EYS: variants seen among roughly 807,000 people sequenced by gnomAD.
EYS encodes protein eyes shut homolog.
A neutral mutation model predicts 282.1 loss-of-function variants in EYS; 250 were observed. The ratio of observed to expected loss-of-function variants is 0.89; its 90% CI spans 0.80 to 0.98. The LOEUF (loss-of-function observed/expected upper bound fraction) is 0.98. Ranked by LOEUF, EYS falls within the 50% of genes least tolerant of loss-of-function variation. The pLI is 0.00. For missense variants in EYS, 4,016 were observed against 3,709.0 expected (o/e 1.08, Z -2.15); for synonymous variants, 1,355 against 1,282.9 (o/e 1.06, Z -1.20).
chr6:63,836,429 G>T (rs1318328657), intron 36 of EYS, among the ~76,000 whole-genome samples: 1 of 151,850 alleles, frequency 6.6e-6, no homozygotes, highest in African/African-American at 2.4e-5. Flanking sequence ...AAAGTTATTT[G>T]CATCAACACA....
chr6:65,653,054 TGTGGACATGTCCTGAAAAA>T (rs1251331049), intron 1 of EYS, among the ~76,000 whole-genome samples: 3 of 151,900 alleles, frequency 2.0e-5, no homozygotes, highest in Non-Finnish European at 2.9e-5. Flanking sequence ...GCTACAATCA[TGTGGACATGTCCTGAAAAA>T]GTGGGAGCCA....
At chr6:64,726,826 A>G (rs908434899) in intron 22 of EYS, among the ~76,000 whole-genome samples, 1 of 152,228 alleles carries the variant, frequency 6.6e-6, no homozygotes, top group Non-Finnish European at 1.5e-5. Flanking sequence ...TCTATAAGAC[A>G]GGGCTCCATA....
At chr6:64,503,420 ATGC>A (rs1777114575) in intron 26 of EYS, among the ~76,000 whole-genome samples, 1 of 152,192 alleles carries the variant, frequency 6.6e-6, no homozygotes, top group Non-Finnish European at 1.5e-5. Flanking sequence ...AAATGTGATG[ATGC>A]TTTTTGAGAA....
intron 8 of EYS, among the ~76,000 whole-genome samples, chr6:65,379,063 TAAATA>T (rs1765509205): frequency 6.6e-6 from 1 of 150,914 alleles, no homozygotes; most frequent in African/African-American, 2.4e-5. Flanking sequence ...AAAAAATAAA[TAAATA>T]AAATAAAACA....
chr6:63,785,930 C>G (rs987413510), intron 39 of EYS: 1 of 152,058 alleles, frequency 6.6e-6, no homozygotes, highest in Admixed American at 6.5e-5. Flanking sequence ...TGACTGAGAA[C>G]ACTATAAGAA....
At chr6:65,607,869 G>A (rs1357660281) in intron 2 of EYS, among the ~76,000 whole-genome samples, 2 of 151,930 alleles carry the variant, frequency 1.3e-5, no homozygotes, top group African/African-American at 4.8e-5. Flanking sequence ...CATCTTATGT[G>A]TCAATCTCTG....
chr6:64,740,855 A>G (rs1772348311), intron 22 of EYS, among the ~76,000 whole-genome samples: 1 of 151,900 alleles, frequency 6.6e-6, no homozygotes, highest in African/African-American at 2.4e-5. Context: ...CTGGGACTAC[A>G]GGCGCCAGCC....
intron 33 of EYS, among the ~76,000 whole-genome samples, chr6:64,005,721 A>C (rs1270263466): frequency 6.6e-6 from 1 of 152,188 alleles, no homozygotes; most frequent in Admixed American, 6.5e-5. Context: ...TTTATTGAAT[A>C]GGGAGTCCTT....
chr6:64,752,846 A>G (rs1772806521), intron 22 of EYS, among the ~76,000 whole-genome samples: 1 of 152,182 alleles, frequency 6.6e-6, no homozygotes, highest in Non-Finnish European at 1.5e-5. Flanking sequence ...ATCAAAGACT[A>G]CTAGAACAGC....
intron 12 of EYS, among the ~76,000 whole-genome samples, chr6:65,268,740 A>G (rs188118122): frequency 6.4e-4 from 98 of 152,210 alleles, no homozygotes; most frequent in Non-Finnish European, 2.6e-4. Flanking sequence ...TCTGGAAAGA[A>G]AAACTGCTAG....
chr6:65,057,611 T>C lies in EYS; in HGVS notation c.2137+3A>G, dbSNP rs1395722159. 2.6e-6 allele frequency: 4 copies of C among 1,527,172 alleles called. 1 individual carries two copies. In the South Asian group the frequency reaches 4.8e-5, roughly 18 times the overall value. 94.6% of individuals were successfully genotyped at this position (1,527,172 alleles called of 1,614,324 possible). ...CTTTTCCTTATCCCTTGGTGTTCATTACCTTTAAATGGAGGCACACACTGG... is the reference window on the plus strand; with the variant it reads ...CTTTTCCTTATCCCTTGGTGTTCATCACCTTTAAATGGAGGCACACACTGG... On this transcript the variant is annotated splice_donor_region_variant and intron_variant, in intron 13 of 42. Coordinates refer to ENST00000503581, the MANE Select transcript of EYS (RefSeq NM_001142800.2).
intron 33 of EYS, among the ~76,000 whole-genome samples, chr6:64,048,880 G>C (rs1188176532): frequency 6.7e-6 from 1 of 149,938 alleles, no homozygotes; most frequent in East Asian, 2.0e-4. Flanking sequence ...TTCTCTACCA[G>C]GTTCAGTCAT....
chr6:64,408,037 T>C (rs1182034040), intron 28 of EYS, among the ~76,000 whole-genome samples: 1 of 151,630 alleles, frequency 6.6e-6, no homozygotes, highest in East Asian at 1.9e-4. Context: ...GCACACATTA[T>C]TTTTTTTTAA....
chr6:64,291,880 A>G (rs1768725639), intron 30 of EYS, among the ~76,000 whole-genome samples: 1 of 151,016 alleles, frequency 6.6e-6, no homozygotes, highest in Non-Finnish European at 1.5e-5. Context: ...ATATTGTCAA[A>G]TATATATGAA....
At chr6:64,110,129 C>T (rs1773157029) in intron 31 of EYS, among the ~76,000 whole-genome samples, 1 of 151,856 alleles carries the variant, frequency 6.6e-6, no homozygotes, top group African/African-American at 2.4e-5. Context: ...CGGTATGAAC[C>T]TGGTGATTAA....
chr6:64,140,044 GTAAA>G (rs1774291461), intron 31 of EYS, among the ~76,000 whole-genome samples: 1 of 151,954 alleles, frequency 6.6e-6, no homozygotes, highest in African/African-American at 2.4e-5. Flanking sequence ...TAAATGGAAA[GTAAA>G]TAAAAGGCAT....
intron 28 of EYS, among the ~76,000 whole-genome samples, chr6:64,420,995 T>C (rs1338529638): frequency 6.6e-6 from 1 of 152,200 alleles, no homozygotes; most frequent in East Asian, 1.9e-4. Context: ...CAAAGTCGCT[T>C]CCACATTTTC....
intron 33 of EYS, among the ~76,000 whole-genome samples, chr6:64,000,038 G>T (rs1386194284): frequency 1.3e-5 from 2 of 151,834 alleles, no homozygotes; most frequent in African/African-American, 4.8e-5. Flanking sequence ...GAGTGTGGGT[G>T]ATTTCATTTC....
chr6:63,830,608 ATGGG>A (rs1006326516), intron 36 of EYS, among the ~76,000 whole-genome samples: 1 of 152,228 alleles, frequency 6.6e-6, no homozygotes, highest in Non-Finnish European at 1.5e-5. Context: ...CCTGAAAGTG[ATGGG>A]GAGAATGGAA....
Sources: gnomAD v4.1 joint callset for allele counts (sites outside exome capture counted in the v4.1 genomes callset) on GRCh38, gnomAD v4.1.1 for gene constraint, MANE v1.5 for transcripts, NCBI Gene and HGNC (gene_info 2026-07-23, HGNC 2026-07-21) for gene names.